MYBL2: variants seen among roughly 807,000 people sequenced by gnomAD.
MYBL2 encodes the protein MYB proto-oncogene like 2, also known as myb-related protein B.
A neutral mutation model predicts 79.9 loss-of-function variants in MYBL2; 28 were observed. That is an observed-to-expected ratio of 0.35 (90% CI 0.26 to 0.48). The LOEUF is 0.48. Among genes scored for constraint, MYBL2 ranks in the 20% least tolerant of loss-of-function variants. The pLI is 0.99. For synonymous variants in MYBL2, 378 were observed against 361.2 expected (o/e 1.05, Z -0.53); for missense variants, 735 against 893.9 (o/e 0.82, Z 2.27).
intron 2 of MYBL2, 93 bp from the exon 3 acceptor site, chr20:43,681,691 G>C (rs1471384894): frequency 1.6e-6 from 2 of 1,273,904 alleles, no homozygotes; most frequent in Non-Finnish European, 2.3e-6. Context: ...ATGGATGAAC[G>C]AGGCTGTTCT....
At chr20:43,712,635 T>C (rs1396133740) in intron 11 of MYBL2, among the ~76,000 whole-genome samples, 4 of 152,286 alleles carry the variant, frequency 2.6e-5, no homozygotes, top group Admixed American at 2.0e-4. Flanking sequence ...ATTACTGGCC[T>C]GTGGGTGCTA....
chr20:43,714,793 G>T lies in MYBL2; in HGVS notation c.1825-341G>T, dbSNP rs531440055. 1.3e-3 allele frequency among the ~76,000 whole-genome samples: 193 copies of T among 152,176 alleles called. 4 individuals carry two copies. The Middle Eastern group carries it at 0.017, about 13-fold the overall frequency. ...CAACAGGCGCCCACCACCACACCCA[G>T]CTAATTTTTGTGTTTTTAGTAGAGA... On this transcript the variant is annotated intron_variant, in intron 12 of 13. Coordinates refer to ENST00000217026, the MANE Select transcript of MYBL2 (RefSeq NM_002466.4).
At chr20:43,686,751 C>T in intron 4 of MYBL2, 101 bp from the exon 5 acceptor site, 1 of 1,157,916 alleles carries the variant, frequency 8.6e-7, no homozygotes, top group Non-Finnish European at 1.2e-6. Flanking sequence ...TGGTAGGTGG[C>T]ACCTCTCAGG....
chr20:43,715,819 G>A, intron 13 of MYBL2, 140 bp from the exon 14 acceptor site: 1 of 1,200,248 alleles, frequency 8.3e-7, no homozygotes, highest in South Asian at 1.6e-5. Flanking sequence ...GGGTCACAGG[G>A]AATGTGGAGA....
intron 1 of MYBL2, among the ~76,000 whole-genome samples, chr20:43,671,433 G>A (rs1309476949): frequency 1.3e-5 from 2 of 150,004 alleles, no homozygotes; most frequent in African/African-American, 2.5e-5. Flanking sequence ...TGGGATTACA[G>A]GTATGAGTCA....
At position 43,692,333 on chromosome 20, in the gene MYBL2, T is replaced by C; in HGVS notation, c.663+14T>C. 2 of 1,613,754 alleles carry C rather than the reference T, an allele frequency of 1.2e-6. No individual in the cohort carries two copies. Among genetic ancestry groups the C allele is most frequent in the Non-Finnish European group, 1.7e-6 (2 of 1,179,746 alleles). On this transcript the variant is annotated intron_variant, in intron 6 of 13. Transcript: ENST00000217026. ...ACGGAAGGCCAGGTGAGACAGCTGCTCAGCCTTTGGCTTGGTTTGATTTCA... is the reference window on the plus strand; with the variant it reads ...ACGGAAGGCCAGGTGAGACAGCTGCCCAGCCTTTGGCTTGGTTTGATTTCA...
At chr20:43,687,120 C>G in intron 5 of MYBL2, 48 bp downstream of exon 5, 1 of 1,580,528 alleles carries the variant, frequency 6.3e-7, no homozygotes, top group Non-Finnish European at 8.6e-7. Flanking sequence ...GAGGCCAGGC[C>G]CGTGTTTCTG....
chr20:43,686,368 GCTCAGC>G (rs1987273973), intron 4 of MYBL2, among the ~76,000 whole-genome samples: 1 of 152,154 alleles, frequency 6.6e-6, no homozygotes, highest in Non-Finnish European at 1.5e-5. Context: ...TGCTACCATG[GCTCAGC>G]CTGTGCCCTC....
chr20:43,683,058 T>A (rs1987180835), intron 4 of MYBL2, among the ~76,000 whole-genome samples, 172 bp downstream of exon 4: 2 of 152,282 alleles, frequency 1.3e-5, no homozygotes, highest in Non-Finnish European at 2.9e-5. Flanking sequence ...GCCCTGAGAT[T>A]CCAAGTTTCA....
At chr20:43,692,698 C>T (rs1987441901) in intron 6 of MYBL2, among the ~76,000 whole-genome samples, 1 of 152,128 alleles carries the variant, frequency 6.6e-6, no homozygotes, top group Non-Finnish European at 1.5e-5. Context: ...AGTTGAGAGG[C>T]TGAAGCGGGC....
chr20:43,688,570 C>T (rs1987333678), intron 5 of MYBL2, among the ~76,000 whole-genome samples: 1 of 151,964 alleles, frequency 6.6e-6, no homozygotes, highest in South Asian at 2.1e-4. Context: ...GCAGCTTCAC[C>T]CTCCTGAACT....
In MYBL2 at chr20:43,667,125, C is replaced by G; in HGVS notation, c.-159C>G. 3.2e-6 allele frequency: 1 copy of G among 317,392 alleles called. No homozygotes were observed. Among genetic ancestry groups the G allele is most frequent in the Non-Finnish European group, 5.3e-6 (1 of 187,728 alleles). 19.7% of individuals were successfully genotyped at this position (317,392 alleles called of 1,614,324 possible). A position where few individuals can be genotyped will look rare whatever the true frequency, so the allele number is the denominator to read the frequency against. ...CCCGCGCCGGCGGCGACTGCAGTTC[C>G]TGCGAGCGAGGAGCGCGGGACCTGC... On this transcript the variant is annotated 5_prime_UTR_variant, in exon 1 of 14. Transcript: ENST00000217026.
chr20:43,687,120 C>T, intron 5 of MYBL2, 48 bp downstream of exon 5: 1 of 1,580,528 alleles, frequency 6.3e-7, no homozygotes, highest in South Asian at 1.1e-5. Context: ...GAGGCCAGGC[C>T]CGTGTTTCTG....
chr20:43,689,467 T>C (rs544371506), intron 5 of MYBL2, among the ~76,000 whole-genome samples: 1 of 152,292 alleles, frequency 6.6e-6, no homozygotes, highest in Non-Finnish European at 1.5e-5. Context: ...CTTTGCCTCC[T>C]TTCAGTCCCT....
Position 43,702,629 on chromosome 20 carries a change from T to C in MYBL2, c.1091T>C (p.Leu364Pro), listed in dbSNP as rs745968362. ...CTGCCACCCCGCCAGCCTTCCGCCC[T>C]GGTGCCCAGTGTGACCGAGTACCGC... Reference protein sequence around the residue: ...QVLPPRQPSALVPSVTEYRLD... With the variant: ...QVLPPRQPSAPVPSVTEYRLD... The change falls in exon 8 of 14, where the codon CTG becomes CCG. Residue 364 changes from leucine to proline, a missense_variant. Coordinates refer to ENST00000217026, the MANE Select transcript of MYBL2 (RefSeq NM_002466.4). The C allele has an allele frequency of 3.1e-6, 5 of 1,614,024 alleles. No homozygotes were observed. Among genetic ancestry groups the C allele is most frequent in the Non-Finnish European group, 4.2e-6 (5 of 1,180,050 alleles).
At chr20:43,709,345 C>T (rs760876971) in intron 9 of MYBL2, among the ~76,000 whole-genome samples, 4 of 152,230 alleles carry the variant, frequency 2.6e-5, no homozygotes, top group Non-Finnish European at 5.9e-5. Context: ...CGCTCTGGGG[C>T]GTGAGGTGCC....
At position 43,699,891 on chromosome 20, in the gene MYBL2, A is replaced by C. The variant is rs762020366; in HGVS notation, c.798A>C (p.Thr266=). 1 of 1,614,066 alleles carries C rather than the reference A, an allele frequency of 6.2e-7. No individual in the cohort carries two copies. ...GTACAGATCTGGACGCAGTGCGAACACCAGAGCCCTTGGAGGAATTCCCGA... is the reference window on the plus strand; with the variant it reads ...GTACAGATCTGGACGCAGTGCGAACCCCAGAGCCCTTGGAGGAATTCCCGA... ...PIGTDLDAVR[T]PEPLEEFPKR... is the part of the protein sequence containing the mutation. The change falls in exon 7 of 14, where the codon ACA becomes ACC. Residue 266 remains threonine, a synonymous_variant. Coordinates refer to ENST00000217026, the MANE Select transcript of MYBL2 (RefSeq NM_002466.4).
intron 2 of MYBL2, among the ~76,000 whole-genome samples, chr20:43,681,076 A>C (rs968337449): frequency 6.6e-6 from 1 of 152,138 alleles, no homozygotes; most frequent in Non-Finnish European, 1.5e-5. Context: ...TCTTTCACAC[A>C]TCATAGTGAC....
At chr20:43,708,868 C>A (rs1250991986) in intron 9 of MYBL2, among the ~76,000 whole-genome samples, 1 of 152,192 alleles carries the variant, frequency 6.6e-6, no homozygotes, top group East Asian at 1.9e-4. Flanking sequence ...GTGGTTTGAA[C>A]TGTAAGATGT....
Sources: gnomAD v4.1 joint callset for allele counts (sites outside exome capture counted in the v4.1 genomes callset) on GRCh38, gnomAD v4.1.1 for gene constraint, MANE v1.5 for transcripts, NCBI Gene and HGNC (gene_info 2026-07-23, HGNC 2026-07-21) for gene names.